The following PLCL1 variants were observed in gnomAD, a reference collection of about 807,000 sequenced individuals.
PLCL1 encodes the protein inactive phospholipase C-like protein 1.
In PLCL1, 41 loss-of-function variants were observed where a neutral mutation model predicts 84.4. That is an observed-to-expected ratio of 0.49 (90% CI 0.38 to 0.63). The LOEUF is 0.63. Ranked by LOEUF, PLCL1 falls within the 30% of genes least tolerant of loss-of-function variation. The pLI is 0.00. For missense variants in PLCL1, 1,206 were observed against 1,367.8 expected (o/e 0.88, Z 1.87); for synonymous variants, 490 against 488.3 (o/e 1.00, Z -0.05).
At chr2:198,109,223 C>T (rs1464618229) in intron 5 of PLCL1, among the ~76,000 whole-genome samples, 1 of 151,814 alleles carries the variant, frequency 6.6e-6, no homozygotes, top group African/African-American at 2.4e-5. Flanking sequence ...AAGATGGTGA[C>T]TTCTTGCTTC....
At chr2:198,117,338 C>CTTTTTTTTTTTTTT (rs5837581) in intron 5 of PLCL1, among the ~76,000 whole-genome samples, 1 of 140,614 alleles carries the variant, frequency 7.1e-6, no homozygotes, top group Non-Finnish European at 1.5e-5. Flanking sequence ...TTTTTTTTTT[C>CTTTTTTTTTTTTTT]TTTTTTTTTT....
At chr2:197,931,841 G>A (rs1475696078) in intron 1 of PLCL1, among the ~76,000 whole-genome samples, 2 of 152,166 alleles carry the variant, frequency 1.3e-5, no homozygotes, top group Non-Finnish European at 2.9e-5. Flanking sequence ...ACACAGGTCA[G>A]TTGAACATGA....
intron 1 of PLCL1, among the ~76,000 whole-genome samples, chr2:198,039,980 G>A (rs1691622913): frequency 6.6e-6 from 1 of 152,210 alleles, no homozygotes; most frequent in Admixed American, 6.5e-5. Context: ...AAATATGGGA[G>A]TGACATTGAG....
intron 1 of PLCL1, among the ~76,000 whole-genome samples, chr2:197,994,762 A>T (rs1690423829): frequency 6.6e-6 from 1 of 152,150 alleles, no homozygotes; most frequent in Non-Finnish European, 1.5e-5. Flanking sequence ...TTCACATCTA[A>T]CTGTTTATAC....
chr2:198,044,846 A>T (rs571385521), intron 1 of PLCL1, among the ~76,000 whole-genome samples: 1 of 152,264 alleles, frequency 6.6e-6, no homozygotes, highest in Admixed American at 6.5e-5. Flanking sequence ...TTCCTACCTC[A>T]ATAGGTCAAT....
chr2:197,954,976 C>T (rs778241131), intron 1 of PLCL1, among the ~76,000 whole-genome samples: 23 of 152,028 alleles, frequency 1.5e-4, no homozygotes, highest in Non-Finnish European at 3.1e-4. Flanking sequence ...GAAACAGTTT[C>T]TAATTCCAGA....
At chr2:197,872,411 C>A (rs974415260) in intron 1 of PLCL1, among the ~76,000 whole-genome samples, 6 of 152,070 alleles carry the variant, frequency 3.9e-5, no homozygotes, top group African/African-American at 1.4e-4. Flanking sequence ...CGTCTGTTTT[C>A]CCCATTAAAC....
At chr2:197,885,357 C>T (rs1422512733) in intron 1 of PLCL1, among the ~76,000 whole-genome samples, 1 of 152,130 alleles carries the variant, frequency 6.6e-6, no homozygotes, top group Non-Finnish European at 1.5e-5. Flanking sequence ...GTGTGAATCC[C>T]AGTCTGAAGG....
chr2:197,981,762 G>A (rs6726506), intron 1 of PLCL1, among the ~76,000 whole-genome samples: 12 of 152,074 alleles, frequency 7.9e-5, no homozygotes, highest in African/African-American at 2.2e-4. Flanking sequence ...GTAGAAAGAC[G>A]TCTCAAACTA....
At chr2:198,134,872 C>G (rs146109786) in intron 5 of PLCL1, among the ~76,000 whole-genome samples, 1 of 152,110 alleles carries the variant, frequency 6.6e-6, no homozygotes, top group Non-Finnish European at 1.5e-5. Flanking sequence ...TCAGTTCACT[C>G]TATGGTATAC....
intron 5 of PLCL1, among the ~76,000 whole-genome samples, chr2:198,132,115 A>G (rs1382276153): frequency 1.3e-5 from 2 of 152,134 alleles, no homozygotes; most frequent in African/African-American, 4.8e-5. Context: ...TTCACAACCA[A>G]CTAAGACTCT....
intron 5 of PLCL1, among the ~76,000 whole-genome samples, chr2:198,139,020 T>C (rs766977342): frequency 6.6e-6 from 1 of 152,094 alleles, no homozygotes; most frequent in African/African-American, 2.4e-5. Context: ...CTGGGTCTGG[T>C]GGCCTGTACC....
At chr2:198,063,888 G>A (rs1261089689) in intron 1 of PLCL1, among the ~76,000 whole-genome samples, 1 of 152,182 alleles carries the variant, frequency 6.6e-6, no homozygotes, top group Non-Finnish European at 1.5e-5. Flanking sequence ...TGTTCCCACA[G>A]AATTGAACTC....
chr2:197,975,367 T>A (rs1689958469), intron 1 of PLCL1, among the ~76,000 whole-genome samples: 1 of 152,166 alleles, frequency 6.6e-6, no homozygotes, highest in South Asian at 2.1e-4. Flanking sequence ...GTCTGCTTGC[T>A]TCTGAAAGCA....
At chr2:198,100,723 G>C (rs1693311344) in intron 3 of PLCL1, among the ~76,000 whole-genome samples, 2 of 152,082 alleles carry the variant, frequency 1.3e-5, no homozygotes, top group Non-Finnish European at 2.9e-5. Flanking sequence ...CCTACTGGTA[G>C]CTGAGTGGGA....
intron 4 of PLCL1, 51 bp from the exon 5 acceptor site, chr2:198,103,776 C>A (rs761023163): frequency 1.0e-5 from 8 of 802,750 alleles, no homozygotes; most frequent in East Asian, 2.8e-5. Flanking sequence ...TATAAGATGC[C>A]CATTTTTCTG....
At chr2:198,013,998 G>A (rs1459480582) in intron 1 of PLCL1, among the ~76,000 whole-genome samples, 1 of 151,946 alleles carries the variant, frequency 6.6e-6, no homozygotes, top group African/African-American at 2.4e-5. Flanking sequence ...AATTCTTCTT[G>A]GCCTGTTTCA....
chr2:197,845,642 T>G (rs1158094459), intron 1 of PLCL1, among the ~76,000 whole-genome samples: 1 of 152,110 alleles, frequency 6.6e-6, no homozygotes, highest in Non-Finnish European at 1.5e-5. Context: ...AACATATATC[T>G]TTACCACTCC....
rs551918814 is a variant in PLCL1, at chr2:197,997,085, G to A, written c.241-86673G>A. 6.2e-4 allele frequency among the ~76,000 whole-genome samples: 95 copies of A among 152,276 alleles called. 1 individual carries two copies. The highest frequency in any genetic ancestry group is 1.5e-3 in the South Asian group (7 of 4,822). On this transcript the variant is annotated intron_variant, in intron 1 of 5. Transcript: ENST00000428675. ...TTTAGTGTCGTTTTCCTGTGCTCAC[G>A]GAATCCTGAGAGTGTAGCACTACTG... is the stretch of plus-strand genomic sequence containing the variant.
Sources: allele counts gnomAD v4.1 joint callset (sites outside exome capture counted in the v4.1 genomes callset), GRCh38; gene constraint gnomAD v4.1.1; transcripts MANE v1.5; gene names NCBI Gene and HGNC (gene_info 2026-07-23, HGNC 2026-07-21).